Variants in SLC25A21 observed in about 807,000 individuals in gnomAD.
SLC25A21 encodes solute carrier family 25 member 21.
Under a neutral mutation model 43.8 loss-of-function variants are expected in SLC25A21, and 47 were observed. The ratio of observed to expected loss-of-function variants is 1.07; its 90% CI spans 0.85 to 1.37. SLC25A21 has a LOEUF of 1.37. SLC25A21 is among the 40% of genes most tolerant of loss of function. SLC25A21 has a pLI of 0.00. For synonymous variants in SLC25A21, 131 were observed against 121.3 expected (o/e 1.08, Z -0.52); for missense variants, 352 against 350.2 (o/e 1.00, Z -0.04).
chr14:37,070,809 A>C (rs1445550285), intron 1 of SLC25A21, among the ~76,000 whole-genome samples: 1 of 152,180 alleles, frequency 6.6e-6, no homozygotes, highest in Non-Finnish European at 1.5e-5. Context: ...GGAATGAAGA[A>C]GGGCTTTGGG....
intron 1 of SLC25A21, among the ~76,000 whole-genome samples, chr14:37,150,365 C>A (rs1487828851): frequency 1.3e-5 from 2 of 152,062 alleles, no homozygotes; most frequent in African/African-American, 4.8e-5. Flanking sequence ...ACGGCAAGAA[C>A]CAACATAAAG....
At chr14:36,869,257 T>C (rs1890298654) in intron 2 of SLC25A21, among the ~76,000 whole-genome samples, 1 of 152,118 alleles carries the variant, frequency 6.6e-6, no homozygotes, top group Non-Finnish European at 1.5e-5. Flanking sequence ...TTTGCATAGT[T>C]TCAAATACTC....
At chr14:37,103,660 C>T (rs571931687) in intron 1 of SLC25A21, among the ~76,000 whole-genome samples, 2 of 152,160 alleles carry the variant, frequency 1.3e-5, no homozygotes, top group African/African-American at 4.8e-5. Context: ...TTCTCTGCCA[C>T]TTCAAATCTC....
chr14:36,893,810 C>A (rs1891158116), intron 1 of SLC25A21, among the ~76,000 whole-genome samples: 1 of 151,802 alleles, frequency 6.6e-6, no homozygotes, highest in Admixed American at 6.6e-5. Flanking sequence ...AATCCTTTCC[C>A]TATTGCCTTT....
At chr14:36,777,682 T>C (rs1886887755) in intron 3 of SLC25A21, among the ~76,000 whole-genome samples, 1 of 152,158 alleles carries the variant, frequency 6.6e-6, no homozygotes, top group African/African-American at 2.4e-5. Flanking sequence ...ATGGGATGGT[T>C]TCTCTTTCAA....
chr14:36,849,770 T>C (rs1183303838), intron 2 of SLC25A21, among the ~76,000 whole-genome samples: 1 of 152,190 alleles, frequency 6.6e-6, no homozygotes, highest in African/African-American at 2.4e-5. Context: ...CTAAAACTCA[T>C]GCTAGAACTG....
At chr14:36,871,891 A>G (rs947416899) in intron 2 of SLC25A21, among the ~76,000 whole-genome samples, 1 of 152,186 alleles carries the variant, frequency 6.6e-6, no homozygotes, top group African/African-American at 2.4e-5. Context: ...AGCACAGAAA[A>G]TCATAAAAAT....
At chr14:36,790,144 T>A (rs949961579) in intron 3 of SLC25A21, among the ~76,000 whole-genome samples, 5 of 150,896 alleles carry the variant, frequency 3.3e-5, no homozygotes, top group East Asian at 3.9e-4. Context: ...AGGGTTCTTG[T>A]TAAGGTTAAG....
chr14:36,883,204 C>T (rs146108368), intron 1 of SLC25A21, among the ~76,000 whole-genome samples: 2 of 152,256 alleles, frequency 1.3e-5, no homozygotes, highest in Non-Finnish European at 2.9e-5. Flanking sequence ...TTCATTACTC[C>T]TCTCACCTGC....
In SLC25A21 at chr14:37,169,939, T is replaced by G. The variant is rs75905446; in HGVS notation, c.70+2342A>C. Among the ~76,000 whole-genome samples, 1,111 of 152,274 alleles carry G rather than the reference T, an allele frequency of 7.3e-3. 12 individuals are homozygous for G. The highest frequency in any genetic ancestry group is 0.024 in the African/African-American group (977 of 41,564). On this transcript the variant is annotated intron_variant, in intron 1 of 9. Transcript: ENST00000331299. ...ATCTTATAAATATCCTAATTTGCAT[T>G]TATATTAGTTACATTTATAAGAATA...
At chr14:36,885,507 G>T (rs1437700958) in intron 1 of SLC25A21, among the ~76,000 whole-genome samples, 1 of 152,114 alleles carries the variant, frequency 6.6e-6, no homozygotes, top group Non-Finnish European at 1.5e-5. Context: ...AATTAAACTG[G>T]AATTTTGATA....
At chr14:36,699,989 T>C (rs1469274321) in intron 7 of SLC25A21, among the ~76,000 whole-genome samples, 1 of 152,164 alleles carries the variant, frequency 6.6e-6, no homozygotes, top group Non-Finnish European at 1.5e-5. Context: ...ATGAACCAGG[T>C]GCCTCAGTTG....
intron 3 of SLC25A21, among the ~76,000 whole-genome samples, chr14:36,791,684 G>T (rs1174329398): frequency 1.3e-5 from 2 of 152,166 alleles, no homozygotes; most frequent in Admixed American, 6.6e-5. Flanking sequence ...TTAAGGAAAA[G>T]TTAATAATTA....
chr14:36,679,056 A>T lies in SLC25A21; in HGVS notation c.*1602T>A. The stretch of plus-strand genomic sequence containing the variant: ...CTCTTCAGAAATCCTTTTCTATCTG[A>T]TCCACATGGAGAGGTTAAAGGTTCA... On this transcript the variant is annotated 3_prime_UTR_variant, in exon 10 of 10. Transcript: ENST00000331299. 2 of 985,460 alleles carry T rather than the reference A, an allele frequency of 2.0e-6. No homozygotes were observed. Among genetic ancestry groups the T allele is most frequent in the Non-Finnish European group, 1.2e-6 (1 of 829,968 alleles). The allele number at this position is 985,460 out of a possible 1,614,324, so 61.0% of individuals were successfully genotyped here.
chr14:36,924,670 T>A (rs573560937), intron 1 of SLC25A21, among the ~76,000 whole-genome samples: 16 of 151,214 alleles, frequency 1.1e-4, no homozygotes, highest in Non-Finnish European at 1.9e-4. Flanking sequence ...GAACTTAAAG[T>A]ATAATAATTA....
intron 1 of SLC25A21, among the ~76,000 whole-genome samples, chr14:37,152,179 A>G (rs2415388): frequency 0.92 from 139,592 of 152,092 alleles, 64,942 homozygotes; most frequent in Non-Finnish European, 1. Context: ...GATAGTTAGG[A>G]AGGATCTACC....
intron 3 of SLC25A21, among the ~76,000 whole-genome samples, chr14:36,789,145 TGAC>T (rs769233875): frequency 2.9e-4 from 44 of 152,342 alleles, no homozygotes; most frequent in Non-Finnish European, 5.6e-4. Flanking sequence ...AATATTAACT[TGAC>T]GACAGAAATA....
intron 3 of SLC25A21, among the ~76,000 whole-genome samples, chr14:36,756,309 C>T (rs906512045): frequency 3.3e-5 from 5 of 152,292 alleles, no homozygotes; most frequent in African/African-American, 1.2e-4. Context: ...TCCTTCTGCA[C>T]ATGTGTGGCC....
At chr14:36,975,093 G>A (rs554412424) in intron 1 of SLC25A21, among the ~76,000 whole-genome samples, 72 of 152,242 alleles carry the variant, frequency 4.7e-4, no homozygotes, top group African/African-American at 1.6e-3. Context: ...CACAGATAAA[G>A]GAAATTGAAG....
Sources: gnomAD v4.1 joint callset for allele counts (sites outside exome capture counted in the v4.1 genomes callset) on GRCh38, gnomAD v4.1.1 for gene constraint, MANE v1.5 for transcripts, NCBI Gene and HGNC (gene_info 2026-07-23, HGNC 2026-07-21) for gene names.